The following AMMECR1 variants were observed in gnomAD, a reference collection of about 807,000 sequenced individuals.
AMMECR1 encodes the protein AMMECR nuclear protein 1, also known as nuclear protein AMMECR1.
Under a neutral mutation model 22.5 loss-of-function variants are expected in AMMECR1, and 3 were observed. That is an observed-to-expected ratio of 0.13 (90% CI 0.06 to 0.35). The LOEUF (loss-of-function observed/expected upper bound fraction) is 0.35. Among genes scored for constraint, AMMECR1 ranks in the 10% least tolerant of loss-of-function variants. AMMECR1 has a pLI of 1.00. For missense variants in AMMECR1, 235 were observed against 278.7 expected, an observed-to-expected ratio of 0.84 and a Z score of 1.12; for synonymous variants, 130 against 116.7, an observed-to-expected ratio of 1.11 and a Z score of -0.74.
At chrX:110,358,122 C>A (rs1205859247) in intron 2 of AMMECR1, among the ~76,000 whole-genome samples, 1 of 111,240 alleles carries the variant, frequency 9.0e-6, no homozygotes, top group Non-Finnish European at 1.9e-5. Context: ...CTAAGAGGAC[C>A]ACTGCTGTCT....
At chrX:110,422,605 G>T (rs768371781) in intron 2 of AMMECR1, among the ~76,000 whole-genome samples, 6 of 112,427 alleles carry the variant, frequency 5.3e-5, no homozygotes, top group African/African-American at 6.5e-5. Context: ...AATGTAACTT[G>T]CAGGTCACTT....
At chrX:110,251,607 A>C (rs1001850565) in intron 2 of AMMECR1, among the ~76,000 whole-genome samples, 2 of 112,023 alleles carry the variant, frequency 1.8e-5, no homozygotes, top group Non-Finnish European at 3.8e-5. Flanking sequence ...TTGGTGTACA[A>C]TGGCTTCAAA....
intron 2 of AMMECR1, among the ~76,000 whole-genome samples, chrX:110,345,494 TAA>T (rs113026603): frequency 9.6e-6 from 1 of 104,688 alleles, no homozygotes; most frequent in African/African-American, 3.6e-5. Context: ...TAAAGTGTAA[TAA>T]AAAAAATATA....
chrX:110,299,800 GTCTT>G (rs1204372240), intron 1 of AMMECR1, among the ~76,000 whole-genome samples: 2 of 111,938 alleles, frequency 1.8e-5, no homozygotes, highest in East Asian at 2.8e-4. Flanking sequence ...TACAGTATTT[GTCTT>G]TCTATGTTTG....
intron 2 of AMMECR1, among the ~76,000 whole-genome samples, chrX:110,373,224 C>T (rs945145905): frequency 2.7e-5 from 3 of 111,768 alleles, no homozygotes; most frequent in African/African-American, 9.8e-5. Flanking sequence ...AGTAAATGTG[C>T]TATATTGCTT....
At chrX:110,230,039 AC>A (rs905136896) in intron 2 of AMMECR1, among the ~76,000 whole-genome samples, 3 of 113,049 alleles carry the variant, frequency 2.7e-5, no homozygotes, top group African/African-American at 9.6e-5. Flanking sequence ...CAGCTCAACA[AC>A]GCCTACTGCC....
chrX:110,374,013 A>G (rs141407395), intron 2 of AMMECR1, among the ~76,000 whole-genome samples: 2,261 of 112,371 alleles, frequency 0.02, 48 homozygotes, highest in African/African-American at 0.069. Flanking sequence ...AAGGGAAAAT[A>G]GAAGACACAC....
chrX:110,360,469 T>C (rs1239425714), intron 2 of AMMECR1, among the ~76,000 whole-genome samples: 2 of 111,448 alleles, frequency 1.8e-5, no homozygotes, highest in Non-Finnish European at 3.8e-5. Flanking sequence ...GATGTTATCT[T>C]GAACTAGATT....
chrX:110,221,802 C>A (rs1159639425), intron 2 of AMMECR1, among the ~76,000 whole-genome samples: 1 of 111,280 alleles, frequency 9.0e-6, no homozygotes. Context: ...TGAACAGACA[C>A]TTCTCAAAAG....
At chrX:110,317,486 G>A in intron 1 of AMMECR1, 113 bp downstream of exon 1, 1 of 1,064,169 alleles carries the variant, frequency 9.4e-7, no homozygotes, top group East Asian at 3.4e-5. Flanking sequence ...CGGGGACCCG[G>A]GCAGCGAGAG....
chrX:110,204,864 T>C (rs766264626), intron 3 of AMMECR1, among the ~76,000 whole-genome samples: 1 of 111,658 alleles, frequency 9.0e-6, no homozygotes, highest in South Asian at 3.7e-4. Context: ...GGTCCTACCA[T>C]CAAATTTGAT....
At chrX:110,269,161 G>A (rs985233900) in intron 1 of AMMECR1, among the ~76,000 whole-genome samples, 2 of 111,821 alleles carry the variant, frequency 1.8e-5, no homozygotes, top group Admixed American at 1.9e-4. Flanking sequence ...GGGAAATGTA[G>A]TTGCATACAA....
At chrX:110,211,857 T>C (rs898120704) in intron 3 of AMMECR1, among the ~76,000 whole-genome samples, 1 of 112,063 alleles carries the variant, frequency 8.9e-6, no homozygotes, top group Non-Finnish European at 1.9e-5. Flanking sequence ...AATTTGTCCT[T>C]ACTGCCTTTT....
At chrX:110,396,112 C>G (rs2068526711) in intron 2 of AMMECR1, among the ~76,000 whole-genome samples, 1 of 111,518 alleles carries the variant, frequency 9.0e-6, no homozygotes, top group African/African-American at 3.3e-5. Context: ...GTCCACCCAC[C>G]ACCACTGAGT....
chrX:110,416,806 G>A (rs1365274983), intron 2 of AMMECR1, among the ~76,000 whole-genome samples: 1 of 112,235 alleles, frequency 8.9e-6, no homozygotes, highest in South Asian at 3.7e-4. Flanking sequence ...TTAGAGGCAA[G>A]GTGGCCCAGT....
At chrX:110,198,721 T>C in intron 5 of AMMECR1, 87 bp from the exon 6 acceptor site, 1 of 650,595 alleles carries the variant, frequency 1.5e-6, no homozygotes, top group Non-Finnish European at 2.5e-6. Context: ...TTAAAGATAA[T>C]TTTATAGATC....
chrX:110,432,436 G>A (rs968403734), intron 1 of AMMECR1, among the ~76,000 whole-genome samples: 1 of 112,140 alleles, frequency 8.9e-6, no homozygotes, highest in Admixed American at 9.4e-5. Flanking sequence ...GGGGAGGGTT[G>A]ATAGCTTCGA....
At chrX:110,350,017 G>T (rs1417261871) in intron 2 of AMMECR1, among the ~76,000 whole-genome samples, 1 of 112,128 alleles carries the variant, frequency 8.9e-6, no homozygotes, top group Non-Finnish European at 1.9e-5. Context: ...TAAAGTCATG[G>T]CTCAAAGAAA....
rs767349195 is a variant in AMMECR1 at position 110,317,832 on chromosome X, G to C, written c.240C>G (p.Gly80=). 3 of 1,082,684 alleles carry C rather than the reference G, an allele frequency of 2.8e-6. No individual in the cohort carries two copies. The highest frequency in any genetic ancestry group is 2.4e-5 in the South Asian group (1 of 41,584). 89.2% of individuals were successfully genotyped at this position (1,082,684 alleles called of 1,213,427 possible). ...LSPPQGCGGG[G]GGIALSPPPS... ...GAGGTGGCGACAGGGCGATCCCCCC[G>C]CCGCCGCCGCCGCAGCCCTGGGGGG... The change falls in exon 1 of 6, where the codon GGC becomes GGG. Residue 80 remains glycine, a synonymous_variant. Transcript: ENST00000262844.
Sources: gnomAD v4.1 joint callset for allele counts (sites outside exome capture counted in the v4.1 genomes callset) on GRCh38, gnomAD v4.1.1 for gene constraint, MANE v1.5 for transcripts, NCBI Gene and HGNC (gene_info 2026-07-23, HGNC 2026-07-21) for gene names.